The following TMEM39B variants were observed in gnomAD, a reference collection of about 807,000 sequenced individuals.
TMEM39B encodes transmembrane protein 39B.
A neutral mutation model predicts 52.2 loss-of-function variants in TMEM39B; 23 were observed. The ratio of observed to expected loss-of-function variants is 0.44; its 90% CI spans 0.32 to 0.62. TMEM39B has a LOEUF of 0.62. TMEM39B is among the 20% of genes least tolerant of loss of function. The probability of loss-of-function intolerance (pLI) is 0.06; values close to 1 mark genes in which losing one functional copy is unlikely to be tolerated. For missense variants in TMEM39B, 547 were observed against 642.0 expected, an observed-to-expected ratio of 0.85 and a Z score of 1.60; for synonymous variants, 285 against 264.0, an observed-to-expected ratio of 1.08 and a Z score of -0.77.
chr1:32,089,722 T>C (rs1026913131), intron 5 of TMEM39B, among the ~76,000 whole-genome samples: 1 of 150,654 alleles, frequency 6.6e-6, no homozygotes, highest in Non-Finnish European at 1.5e-5. Flanking sequence ...TCTCGGCTCA[T>C]TGCAACCTCT....
rs745507368 is a variant in TMEM39B, at chr1:32,076,821, G to A, written c.410G>A (p.Arg137His). The A allele has an allele frequency of 1.9e-6, 3 of 1,614,060 alleles. No individual in the cohort carries two copies. The highest frequency in any genetic ancestry group is 1.1e-5 in the South Asian group (1 of 91,072). ...GTGACCACCATCGTTCTGGGCCGCC[G>A]CTTCATTGGGTCCATCGTGAAGGAG... ...LMVTTIVLGR[R>H]FIGSIVKEAS... Residue 137 changes from arginine to histidine, a missense_variant, in exon 4 of 9, where the codon CGC becomes CAC. By Grantham distance (29) the Arg-to-His change is conservative (BLOSUM62 0). Transcript: ENST00000336294.
At chr1:32,076,894 C>T (rs1247202996) in intron 4 of TMEM39B, 48 bp downstream of exon 4, 3 of 1,589,874 alleles carry the variant, frequency 1.9e-6, no homozygotes, top group Non-Finnish European at 2.6e-6. Flanking sequence ...TTCCCCTTTT[C>T]CCCTGGGGAT....
chr1:32,083,438 T>C (rs1431831771), intron 5 of TMEM39B, among the ~76,000 whole-genome samples: 3 of 141,984 alleles, frequency 2.1e-5, no homozygotes, highest in African/African-American at 5.2e-5. Context: ...TTTTTTTTTT[T>C]TGAGATGGAG....
At chr1:32,084,713 G>A (rs181332412) in intron 5 of TMEM39B, among the ~76,000 whole-genome samples, 1 of 152,084 alleles carries the variant, frequency 6.6e-6, no homozygotes, top group Admixed American at 6.6e-5. Flanking sequence ...GGGATTACAG[G>A]CACGCCACCA....
At position 32,091,713 on chromosome 1, in the gene TMEM39B, A is replaced by ACCTCC; in HGVS notation, c.630_634dup (p.Arg212ProfsTer31). ...ATTCCGTTCCTGCAGCTGAATTGCG[A>ACCTCC]CCTCCGCAAGACAAGCCTCTTCAAC... is the stretch of plus-strand genomic sequence containing the variant. On this transcript the variant is annotated frameshift_variant, in exon 6 of 9. Coordinates refer to ENST00000336294, the MANE Select transcript of TMEM39B (RefSeq NM_018056.4). LOFTEE classifies it high-confidence loss of function. 6.2e-7 allele frequency: 1 copy of ACCTCC among 1,611,534 alleles called. No individual in the cohort carries two copies. Among genetic ancestry groups the ACCTCC allele is most frequent in the Non-Finnish European group, 8.5e-7 (1 of 1,178,424 alleles).
intron 7 of TMEM39B, among the ~76,000 whole-genome samples, chr1:32,096,741 G>T (rs553932738): frequency 2.0e-5 from 3 of 152,094 alleles, no homozygotes; most frequent in African/African-American, 7.2e-5. Context: ...GGTTACAGGA[G>T]TGAGCCACTA....
rs1260499931 is a variant in TMEM39B at position 32,092,002 on chromosome 1, G to T, written c.918G>T (p.Trp306Cys). ...SAYYVAFVPV[W>C]FVKNTHYYDK... is the part of the protein sequence containing the mutation. ...ACTATGTGGCCTTTGTGCCTGTCTGGTTCGTGAAGGTGCGTACCTCAAGCC... is the reference window on the plus strand; with the variant it reads ...ACTATGTGGCCTTTGTGCCTGTCTGTTTCGTGAAGGTGCGTACCTCAAGCC... The change falls in exon 6 of 9, where the codon TGG (tryptophan) becomes TGT (cysteine). Residue 306 changes from tryptophan to cysteine, a missense_variant. Physicochemically the swap from Trp to Cys is radical, Grantham distance 215. Coordinates refer to ENST00000336294, the MANE Select transcript of TMEM39B (RefSeq NM_018056.4). The T allele has an allele frequency of 1.2e-6, 2 of 1,613,252 alleles. No individual in the cohort carries two copies. Among genetic ancestry groups the T allele is most frequent in the African/African-American group, 2.7e-5 (2 of 74,910 alleles).
At chr1:32,085,128 A>T (rs1004715457) in intron 5 of TMEM39B, among the ~76,000 whole-genome samples, 4 of 152,014 alleles carry the variant, frequency 2.6e-5, no homozygotes, top group Admixed American at 2.6e-4. Flanking sequence ...GACTTTTTTA[A>T]CCTGGAGATT....
At chr1:32,083,695 T>C (rs932922856) in intron 5 of TMEM39B, among the ~76,000 whole-genome samples, 3 of 152,106 alleles carry the variant, frequency 2.0e-5, no homozygotes, top group African/African-American at 7.2e-5. Flanking sequence ...GTGCTGGGAT[T>C]ACAGGTGTGA....
At chr1:32,092,244 C>T (rs1274220272) in intron 6 of TMEM39B, among the ~76,000 whole-genome samples, 4 of 152,128 alleles carry the variant, frequency 2.6e-5, no homozygotes, top group African/African-American at 7.2e-5. Context: ...GCAGCCTCAA[C>T]CTCCTGGTCT....
At chr1:32,074,345 G>T (rs115283666) in intron 1 of TMEM39B, among the ~76,000 whole-genome samples, 4 of 152,208 alleles carry the variant, frequency 2.6e-5, no homozygotes, top group African/African-American at 9.6e-5. Flanking sequence ...GTGTACCAGA[G>T]TTGAGAGCAC....
rs147376317 is a variant in TMEM39B at position 32,089,922 on chromosome 1, G to A, written c.591-1753G>A. Among the ~76,000 whole-genome samples the A allele has an allele frequency of 3.2e-4, 49 of 151,916 alleles. No individual in the cohort carries two copies. In the East Asian group the frequency reaches 9.1e-3, roughly 28 times the overall value. On this transcript the variant is annotated intron_variant, in intron 5 of 8. Coordinates refer to ENST00000336294, the MANE Select transcript of TMEM39B (RefSeq NM_018056.4). ...CGGGTGCCTGTAATCCCAGCTGCTC[G>A]GGAGACTGAGGTGGGAGAATCGCTT...
intron 5 of TMEM39B, among the ~76,000 whole-genome samples, chr1:32,083,374 C>G (rs572313124): frequency 6.8e-6 from 1 of 146,948 alleles, no homozygotes; most frequent in South Asian, 2.2e-4. Context: ...TGAGCTACCA[C>G]GCCTGGCCGG....
At chr1:32,073,872 G>A in intron 1 of TMEM39B, 1 of 985,276 alleles carries the variant, frequency 1.0e-6, no homozygotes, top group Non-Finnish European at 1.2e-6. Flanking sequence ...ACTGTGAAGA[G>A]GTATGAACAG....
At chr1:32,081,863 C>T (rs1640112786) in intron 5 of TMEM39B, among the ~76,000 whole-genome samples, 1 of 152,130 alleles carries the variant, frequency 6.6e-6, no homozygotes, top group African/African-American at 2.4e-5. Flanking sequence ...TGCTGCCTCC[C>T]AGCCACCCAG....
Position 32,091,867 on chromosome 1 carries a change from C to G in TMEM39B, c.783C>G (p.Thr261=). The G allele has an allele frequency of 6.2e-7, 1 of 1,614,220 alleles. No homozygotes were observed. The highest frequency in any genetic ancestry group is 8.5e-7 in the Non-Finnish European group (1 of 1,180,040). Residue 261 remains threonine, a synonymous_variant, in exon 6 of 9, where the codon ACC becomes ACG. Coordinates refer to ENST00000336294, the MANE Select transcript of TMEM39B (RefSeq NM_018056.4). ...RQLYGPDAMP[T]HACCLSPSLI... ...TGTATGGCCCGGACGCCATGCCCAC[C>G]CATGCCTGCTGCCTGTCACCCAGCC... is the stretch of plus-strand genomic sequence containing the variant.
At chr1:32,076,874 G>C (rs572606462) in intron 4 of TMEM39B, 28 bp downstream of exon 4, 2 of 1,611,792 alleles carry the variant, frequency 1.2e-6, no homozygotes, top group African/African-American at 2.7e-5. Context: ...GCTGGCCAGG[G>C]ACTTTGGGAT....
intron 5 of TMEM39B, among the ~76,000 whole-genome samples, chr1:32,084,564 C>CT (rs927364376): frequency 6.6e-5 from 10 of 150,968 alleles, no homozygotes; most frequent in East Asian, 1.9e-4. Flanking sequence ...ATGTAGATTT[C>CT]TTTTTTTTTG....
upstream of TMEM39B, chr1:32,072,813 G>A (rs1569845047): frequency 1.8e-6 from 1 of 544,586 alleles, no homozygotes; most frequent in East Asian, 3.5e-5. Flanking sequence ...CAGGAAGGGC[G>A]TGGGGGACCG....
Sources: allele counts gnomAD v4.1 joint callset (sites outside exome capture counted in the v4.1 genomes callset), GRCh38; gene constraint gnomAD v4.1.1; transcripts MANE v1.5; gene names NCBI Gene and HGNC (gene_info 2026-07-23, HGNC 2026-07-21).